Variants in GABBR2 observed in about 807,000 individuals in gnomAD.
GABBR2 encodes G-protein coupled receptor 51.
In GABBR2, 23 loss-of-function variants were observed where a neutral mutation model predicts 105.6. The ratio of observed to expected loss-of-function variants is 0.22; its 90% CI spans 0.16 to 0.31. The LOEUF is 0.31. GABBR2 is among the 10% of genes least tolerant of loss of function. GABBR2 has a pLI of 1.00. For synonymous variants in GABBR2, 478 were observed against 499.7 expected (o/e 0.96, Z 0.58); for missense variants, 734 against 1,245.5 (o/e 0.59, Z 6.18).
chr9:98,505,267 C>T (rs941701691), intron 3 of GABBR2, among the ~76,000 whole-genome samples: 3 of 152,146 alleles, frequency 2.0e-5, no homozygotes, highest in Admixed American at 6.5e-5. Context: ...TAGATTTCTA[C>T]AAATAAGTTC....
chr9:98,674,521 G>A (rs767057809), intron 1 of GABBR2, among the ~76,000 whole-genome samples: 15 of 152,062 alleles, frequency 9.9e-5, no homozygotes, highest in East Asian at 1.9e-4. Context: ...AATCCCCACC[G>A]CAGGACCTTT....
intron 7 of GABBR2, among the ~76,000 whole-genome samples, chr9:98,426,207 G>A (rs1359730409): frequency 6.6e-6 from 1 of 152,180 alleles, no homozygotes; most frequent in East Asian, 1.9e-4. Flanking sequence ...TCATGCTTAG[G>A]CAAAGAGAAC....
chr9:98,706,147 G>C (rs1342810687), intron 1 of GABBR2, among the ~76,000 whole-genome samples: 1 of 150,366 alleles, frequency 6.7e-6, no homozygotes, highest in African/African-American at 2.4e-5. Context: ...GAGGAGGGGA[G>C]GCAGCAGGAC....
chr9:98,451,255 C>T, intron 7 of GABBR2, among the ~76,000 whole-genome samples: 1 of 152,180 alleles, frequency 6.6e-6, no homozygotes, highest in Admixed American at 6.5e-5. Flanking sequence ...CTCTGTTCAA[C>T]TGAGAAGCTC....
At chr9:98,404,407 A>C (rs1832453311) in intron 8 of GABBR2, among the ~76,000 whole-genome samples, 1 of 152,192 alleles carries the variant, frequency 6.6e-6, no homozygotes, top group African/African-American at 2.4e-5. Context: ...ATAGCGCTGA[A>C]GAACACCTCT....
In GABBR2 at chr9:98,526,240, C is replaced by T. The variant is rs553433304; in HGVS notation, c.630+15633G>A. 3.9e-5 allele frequency among the ~76,000 whole-genome samples: 6 copies of T among 152,260 alleles called. No individual in the cohort carries two copies. In the South Asian group the frequency reaches 8.3e-4, roughly 21 times the overall value. On this transcript the variant is annotated intron_variant, in intron 3 of 18. Coordinates refer to ENST00000259455, the MANE Select transcript of GABBR2 (RefSeq NM_005458.8). ...TATAAGCCAAAGTCTTCACAAATAT[C>T]CTAAAAGAACCACAGATCTCTTGCC... is the stretch of plus-strand genomic sequence containing the variant.
Position 98,306,460 on chromosome 9 carries a change from A to C in GABBR2, c.2005-115T>G. ...CTCAGGAGGTGGGCTGCAGGGAGGGAGGGTCGGGGGCCTTGCTGTCAGCCG... is the reference window on the plus strand; with the variant it reads ...CTCAGGAGGTGGGCTGCAGGGAGGGCGGGTCGGGGGCCTTGCTGTCAGCCG... On this transcript the variant is annotated intron_variant, in intron 14 of 18. Transcript: ENST00000259455. This position sits in a 1 kb window ranked among gnomAD's most constrained non-coding sequence, Gnocchi z 5.4. The C allele has an allele frequency of 1.2e-5, 5 of 427,742 alleles. No homozygotes were observed. Among genetic ancestry groups the C allele is most frequent in the East Asian group, 6.5e-5 (1 of 15,396 alleles). 26.5% of individuals were successfully genotyped at this position (427,742 alleles called of 1,614,324 possible).
At chr9:98,443,610 G>A (rs1357943648) in intron 7 of GABBR2, among the ~76,000 whole-genome samples, 1 of 152,186 alleles carries the variant, frequency 6.6e-6, no homozygotes, top group African/African-American at 2.4e-5. Flanking sequence ...GTTATGCACT[G>A]TGGGACCCCA....
At chr9:98,473,063 A>G (rs1171987628) in intron 6 of GABBR2, 83 bp downstream of exon 6, 1 of 992,704 alleles carries the variant, frequency 1.0e-6, no homozygotes, top group African/African-American at 1.6e-5. Flanking sequence ...AGGACAATAA[A>G]TGTGCTCTTT....
intron 5 of GABBR2, among the ~76,000 whole-genome samples, chr9:98,475,621 C>T (rs1826775128): frequency 6.6e-6 from 1 of 152,198 alleles, no homozygotes; most frequent in East Asian, 1.9e-4. Context: ...ATTTTCTCAA[C>T]ACATATAGCT....
intron 14 of GABBR2, among the ~76,000 whole-genome samples, chr9:98,308,122 T>C (rs543498889): frequency 6.6e-6 from 1 of 152,294 alleles, no homozygotes; most frequent in Non-Finnish European, 1.5e-5. Flanking sequence ...TAATTTTAGC[T>C]ACTTGGGAGG....
chr9:98,668,165 C>G (rs2131858849), intron 1 of GABBR2, among the ~76,000 whole-genome samples: 1 of 152,346 alleles, frequency 6.6e-6, no homozygotes, highest in South Asian at 2.1e-4. Flanking sequence ...CTTTTGGCCA[C>G]AGTCGACTTT....
chr9:98,503,592 G>A lies in GABBR2; in HGVS notation c.631-7078C>T, dbSNP rs375862361. Among the ~76,000 whole-genome samples the A allele has an allele frequency of 2.6e-4, 40 of 152,196 alleles. No individual in the cohort carries two copies. In the South Asian group the frequency reaches 6.7e-3, roughly 25 times the overall value. On this transcript the variant is annotated intron_variant, in intron 3 of 18. Transcript: ENST00000259455. ...ATATGGGAGGTGGCAAGAAGTGATC[G>A]GCTTGGGGGTACATTCAGGACAACT...
chr9:98,579,320 C>T (rs1006605249), intron 1 of GABBR2, among the ~76,000 whole-genome samples: 5 of 152,166 alleles, frequency 3.3e-5, no homozygotes, highest in Non-Finnish European at 5.9e-5. Context: ...CAGTTCACGG[C>T]GACCCAGCAT....
chr9:98,490,978 G>T (rs1588191945), intron 4 of GABBR2, among the ~76,000 whole-genome samples: 1 of 149,594 alleles, frequency 6.7e-6, no homozygotes, highest in African/African-American at 2.5e-5. Context: ...TCATTATTCC[G>T]TTCCTCTGTG....
chr9:98,442,395 A>C (rs1393985797), intron 7 of GABBR2, among the ~76,000 whole-genome samples: 1 of 152,160 alleles, frequency 6.6e-6, no homozygotes. Flanking sequence ...CCCCTAATGG[A>C]GGAGAGCTTT....
At chr9:98,317,578 G>T (rs1193972628) in intron 13 of GABBR2, among the ~76,000 whole-genome samples, 2 of 152,200 alleles carry the variant, frequency 1.3e-5, no homozygotes, top group Non-Finnish European at 2.9e-5. Context: ...GGAGCCCATG[G>T]GTTGATTTAC....
chr9:98,528,259 T>C (rs1323860977), intron 3 of GABBR2, among the ~76,000 whole-genome samples: 1 of 152,064 alleles, frequency 6.6e-6, no homozygotes, highest in South Asian at 2.1e-4. Flanking sequence ...AAAAGATATA[T>C]TAAGTGCTGA....
intron 8 of GABBR2, among the ~76,000 whole-genome samples, chr9:98,397,131 G>C (rs1001163998): frequency 2.0e-5 from 3 of 152,142 alleles, no homozygotes; most frequent in African/African-American, 7.2e-5. Flanking sequence ...TACTGAGCAG[G>C]GCTGCCAATC....
Sources: gnomAD v4.1 joint callset for allele counts (sites outside exome capture counted in the v4.1 genomes callset) on GRCh38, gnomAD v4.1.1 for gene constraint, Gnocchi (gnomAD v3.1) non-coding constraint, MANE v1.5 for transcripts, NCBI Gene and HGNC (gene_info 2026-07-23, HGNC 2026-07-21) for gene names.